SCFD2: variants seen among roughly 807,000 people sequenced by gnomAD.
SCFD2 encodes the protein sec1 family domain containing 2, also known as sec1 family domain-containing protein 2.
In SCFD2, 54 loss-of-function variants were observed where a neutral mutation model predicts 58.9. The observed-to-expected ratio is 0.92, with a 90% CI of 0.74 to 1.15. The LOEUF is 1.15. SCFD2 is among the 50% of genes most tolerant of loss of function. The pLI is 0.00. For synonymous variants in SCFD2, 321 were observed against 335.9 expected (o/e 0.96, Z 0.49); for missense variants, 805 against 836.6 (o/e 0.96, Z 0.47).
intron 5 of SCFD2, among the ~76,000 whole-genome samples, chr4:53,119,798 A>C (rs1725427949): frequency 6.6e-6 from 1 of 152,228 alleles, no homozygotes; most frequent in Non-Finnish European, 1.5e-5. Flanking sequence ...CCTGGGGCCA[A>C]TCAGCAGTGA....
At chr4:53,164,804 A>AAAAAAAAG (rs1553882340) in intron 4 of SCFD2, among the ~76,000 whole-genome samples, 31 of 143,908 alleles carry the variant, frequency 2.2e-4, no homozygotes, top group African/African-American at 5.2e-4. Flanking sequence ...AAAAAAAAAA[A>AAAAAAAAG]AAGAAGAAGA....
chr4:53,083,459 T>A (rs1349919958), intron 5 of SCFD2, among the ~76,000 whole-genome samples: 3 of 152,188 alleles, frequency 2.0e-5, no homozygotes, highest in Admixed American at 6.6e-5. Flanking sequence ...GTGAGGTCAC[T>A]ATTACCCTGA....
intron 4 of SCFD2, among the ~76,000 whole-genome samples, chr4:53,201,485 A>G (rs1356390776): frequency 6.6e-6 from 1 of 152,164 alleles, no homozygotes; most frequent in African/African-American, 2.4e-5. Flanking sequence ...CAATAAACAT[A>G]CATGTGCATG....
intron 5 of SCFD2, among the ~76,000 whole-genome samples, chr4:53,044,527 T>TTC (rs1722979541): frequency 5.3e-5 from 8 of 151,520 alleles, no homozygotes; most frequent in African/African-American, 1.9e-4. Flanking sequence ...CCTCCCTCCC[T>TTC]CTCTCCCTTT....
intron 5 of SCFD2, among the ~76,000 whole-genome samples, chr4:53,082,101 C>G (rs1380119444): frequency 6.6e-6 from 1 of 152,144 alleles, no homozygotes; most frequent in Non-Finnish European, 1.5e-5. Context: ...TCATCAGTTG[C>G]TGAACATCTG....
intron 3 of SCFD2, among the ~76,000 whole-genome samples, chr4:53,293,205 G>A (rs557645291): frequency 4.2e-4 from 64 of 151,964 alleles, no homozygotes; most frequent in Admixed American, 3.9e-4. Context: ...ATGCAGGAGC[G>A]GAAAACCAAA....
At position 52,910,118 on chromosome 4, in the gene SCFD2, A is replaced by G. The variant is rs1346031045; in HGVS notation, c.1708-2527T>C. On this transcript the variant is annotated intron_variant, in intron 6 of 8. Coordinates refer to ENST00000401642, the MANE Select transcript of SCFD2 (RefSeq NM_152540.4). ...CAGCCATGCACATTACCAGCTGGCTAAAAGACTACATTCTCCAGCCTTCCT... is the reference window on the plus strand; with the variant it reads ...CAGCCATGCACATTACCAGCTGGCTGAAAGACTACATTCTCCAGCCTTCCT... 3.9e-5 allele frequency among the ~76,000 whole-genome samples: 6 copies of G among 152,254 alleles called. No individual in the cohort carries two copies. In the East Asian group the frequency reaches 1.2e-3, roughly 29 times the overall value.
chr4:52,993,839 T>A (rs994523437), intron 5 of SCFD2, among the ~76,000 whole-genome samples: 2 of 152,224 alleles, frequency 1.3e-5, no homozygotes, highest in South Asian at 2.1e-4. Context: ...TAGTAATAAA[T>A]AGCCTCAGAA....
chr4:53,148,229 T>C (rs1228505120), intron 4 of SCFD2, among the ~76,000 whole-genome samples: 3 of 152,174 alleles, frequency 2.0e-5, no homozygotes, highest in Non-Finnish European at 4.4e-5. Flanking sequence ...ATCATCATGA[T>C]CATTTGTAAA....
chr4:53,041,099 T>C (rs974344677), intron 5 of SCFD2, among the ~76,000 whole-genome samples: 3 of 152,214 alleles, frequency 2.0e-5, no homozygotes, highest in Admixed American at 2.0e-4. Flanking sequence ...ATCCGTGCCA[T>C]ATGGGCAGAC....
At chr4:53,052,117 T>A (rs942300027) in intron 5 of SCFD2, among the ~76,000 whole-genome samples, 6 of 152,194 alleles carry the variant, frequency 3.9e-5, no homozygotes, top group Admixed American at 3.3e-4. Context: ...TTGCTTTTAC[T>A]AATAAAATCT....
chr4:53,086,437 G>A (rs1231632187), intron 5 of SCFD2, among the ~76,000 whole-genome samples: 1 of 152,200 alleles, frequency 6.6e-6, no homozygotes, highest in Non-Finnish European at 1.5e-5. Context: ...TGGTGGGAAT[G>A]TAAATTAGCA....
intron 5 of SCFD2, among the ~76,000 whole-genome samples, chr4:53,065,525 A>G (rs1283378349): frequency 6.6e-6 from 1 of 152,016 alleles, no homozygotes; most frequent in Non-Finnish European, 1.5e-5. Context: ...AGAATTTGTT[A>G]TTTTTCTTAA....
At chr4:53,173,733 T>A (rs1265281243) in intron 4 of SCFD2, among the ~76,000 whole-genome samples, 1 of 152,130 alleles carries the variant, frequency 6.6e-6, no homozygotes, top group Non-Finnish European at 1.5e-5. Flanking sequence ...TCTATTTCAG[T>A]TTTGTACTTC....
chr4:52,919,193 A>G (rs1301750083), intron 6 of SCFD2, among the ~76,000 whole-genome samples: 2 of 152,164 alleles, frequency 1.3e-5, no homozygotes, highest in Admixed American at 1.3e-4. Flanking sequence ...AGTTGGCCAA[A>G]TCAGTCACCC....
intron 3 of SCFD2, among the ~76,000 whole-genome samples, chr4:53,306,996 G>A (rs746439789): frequency 6.6e-5 from 10 of 152,212 alleles, no homozygotes; most frequent in Non-Finnish European, 1.3e-4. Context: ...AAGAAGCCAG[G>A]CAAACAATAT....
intron 5 of SCFD2, among the ~76,000 whole-genome samples, chr4:53,079,951 T>A (rs1724092408): frequency 6.6e-6 from 1 of 152,212 alleles, no homozygotes; most frequent in African/African-American, 2.4e-5. Flanking sequence ...TTTTAATATA[T>A]ACATGAAGAA....
At chr4:52,926,659 A>G (rs968812785) in intron 5 of SCFD2, among the ~76,000 whole-genome samples, 4 of 152,006 alleles carry the variant, frequency 2.6e-5, no homozygotes, top group Non-Finnish European at 4.4e-5. Context: ...GACTGGTCTC[A>G]TTTTTCTACT....
chr4:53,234,238 A>G (rs939215525), intron 4 of SCFD2, among the ~76,000 whole-genome samples: 9 of 152,218 alleles, frequency 5.9e-5, no homozygotes, highest in Non-Finnish European at 8.8e-5. Context: ...TGCTCAATAC[A>G]TTGTTATTAC....
Sources: allele counts gnomAD v4.1 joint callset (sites outside exome capture counted in the v4.1 genomes callset), GRCh38; gene constraint gnomAD v4.1.1; transcripts MANE v1.5; gene names NCBI Gene and HGNC (gene_info 2026-07-23, HGNC 2026-07-21).